PHACTR4: variants seen among roughly 807,000 people sequenced by gnomAD.
PHACTR4 encodes phosphatase and actin regulator 4.
Under a neutral mutation model 72.7 loss-of-function variants are expected in PHACTR4, and 51 were observed. The ratio of observed to expected loss-of-function variants is 0.70; its 90% confidence interval spans 0.56 to 0.89. The LOEUF (loss-of-function observed/expected upper bound fraction) is 0.89, where lower values mean the gene tolerates loss of function less well. Among genes scored for constraint, PHACTR4 ranks in the 40% least tolerant of loss-of-function variants. PHACTR4 has a pLI of 0.00. For missense variants in PHACTR4, 731 were observed against 861.8 expected, an observed-to-expected ratio of 0.85 and a Z score of 1.90; for synonymous variants, 255 against 302.5, an observed-to-expected ratio of 0.84 and a Z score of 1.63.
At chr1:28,371,787 T>C (rs938579637) in intron 1 of PHACTR4, among the ~76,000 whole-genome samples, 4 of 152,076 alleles carry the variant, frequency 2.6e-5, no homozygotes, top group African/African-American at 7.2e-5. Context: ...ATTTTTGTAT[T>C]GATTGGGGTC....
At chr1:28,487,763 T>A (rs1178280453) in intron 9 of PHACTR4, among the ~76,000 whole-genome samples, 1 of 114,934 alleles carries the variant, frequency 8.7e-6, no homozygotes, top group Non-Finnish European at 1.7e-5. Flanking sequence ...TGAGATGGAA[T>A]CTCACTCTGT....
At chr1:28,438,450 G>A (rs773568034) in intron 2 of PHACTR4, 3 of 1,611,638 alleles carry the variant, frequency 1.9e-6, no homozygotes, top group Non-Finnish European at 2.5e-6. Flanking sequence ...AGAAGGCAGA[G>A]AAACAGAAAA....
chr1:28,480,898 G>A (rs1393505737), intron 9 of PHACTR4, among the ~76,000 whole-genome samples: 3 of 152,116 alleles, frequency 2.0e-5, no homozygotes, highest in East Asian at 1.9e-4. Flanking sequence ...CATGTTGGCC[G>A]GGCTGGTCTC....
intron 1 of PHACTR4, among the ~76,000 whole-genome samples, chr1:28,388,623 G>A (rs1569782867): frequency 6.6e-6 from 1 of 152,132 alleles, no homozygotes; most frequent in Non-Finnish European, 1.5e-5. Context: ...AGCCTGAGGC[G>A]GGCAGATCAC....
intron 3 of PHACTR4, among the ~76,000 whole-genome samples, chr1:28,459,881 G>A (rs1294856290): frequency 1.3e-5 from 2 of 152,110 alleles, no homozygotes; most frequent in South Asian, 2.1e-4. Context: ...TGAAGAAAAT[G>A]ACTGAATGAG....
rs140467873 is a variant in PHACTR4 at position 28,465,377 on chromosome 1, G to A, written c.272-308G>A. 3.9e-3 allele frequency among the ~76,000 whole-genome samples: 591 copies of A among 152,166 alleles called. 1 individual carries two copies. The highest frequency in any genetic ancestry group is 5.6e-3 in the Non-Finnish European group (381 of 67,994). Reference sequence around the variant, plus strand: ...CAGGAGGCTGAGGCAGGAGAATGGCGTGAACCCGGGAGGCAGAGGCTGCAG... The same window carrying A: ...CAGGAGGCTGAGGCAGGAGAATGGCATGAACCCGGGAGGCAGAGGCTGCAG... On this transcript the variant is annotated intron_variant, in intron 4 of 13. Transcript: ENST00000373839.
At chr1:28,478,449 A>G (rs947656148) in intron 8 of PHACTR4, among the ~76,000 whole-genome samples, 7 of 151,276 alleles carry the variant, frequency 4.6e-5, no homozygotes, top group Non-Finnish European at 7.4e-5. Flanking sequence ...TTTTTTTTTT[A>G]ATAGACGGAG....
Position 28,494,751 on chromosome 1 carries a change from T to C in PHACTR4, c.2093+1660T>C, listed in dbSNP as rs115250458. Reference sequence around the variant, plus strand: ...GAAAATGTAGCTGGATCAGAGGATGTTTGGGGCAGTGTGGTGAAAATAAAC... The same window carrying C: ...GAAAATGTAGCTGGATCAGAGGATGCTTGGGGCAGTGTGGTGAAAATAAAC... On this transcript the variant is annotated intron_variant, in intron 13 of 13. Coordinates refer to ENST00000373839, the MANE Select transcript of PHACTR4 (RefSeq NM_001048183.3). Among the ~76,000 whole-genome samples the C allele has an allele frequency of 3.7e-3, 562 of 152,254 alleles. 7 individuals carry two copies. The highest frequency in any genetic ancestry group is 0.013 in the African/African-American group (537 of 41,540).
intron 1 of PHACTR4, among the ~76,000 whole-genome samples, chr1:28,371,985 G>A (rs914315336): frequency 6.6e-6 from 1 of 151,838 alleles, no homozygotes; most frequent in Non-Finnish European, 1.5e-5. Flanking sequence ...GGTTTCAAGC[G>A]ATTCTCCTGC....
At chr1:28,429,779 G>C (rs941752344) in intron 2 of PHACTR4, among the ~76,000 whole-genome samples, 8 of 152,196 alleles carry the variant, frequency 5.3e-5, no homozygotes, top group African/African-American at 1.9e-4. Flanking sequence ...TGAGAAGTCT[G>C]AAGATTACTG....
chr1:28,438,287 G>T, intron 2 of PHACTR4: 1 of 1,508,738 alleles, frequency 6.6e-7, no homozygotes, highest in Non-Finnish European at 8.9e-7. Context: ...ACTGAAAGAG[G>T]ACCGCATGTC....
At chr1:28,459,389 C>CT in intron 3 of PHACTR4, 131 bp downstream of exon 3, 3 of 631,610 alleles carry the variant, frequency 4.7e-6, no homozygotes, top group South Asian at 2.6e-5. Flanking sequence ...TTATTCTTTC[C>CT]TTCTTCTTTT....
At chr1:28,461,585 A>G (rs1214224491) in intron 4 of PHACTR4, among the ~76,000 whole-genome samples, 1 of 152,256 alleles carries the variant, frequency 6.6e-6, no homozygotes, top group Non-Finnish European at 1.5e-5. Flanking sequence ...AAGATTTATT[A>G]TCTCAACTGT....
In PHACTR4 at chr1:28,496,633, C is replaced by G; in HGVS notation, c.*84C>G. ...ACATATGGAGGGAACTTTAGCACTT[C>G]CCAGCACAGCCAGAATTGCATCCTC... On this transcript the variant is annotated 3_prime_UTR_variant, in exon 14 of 14. Coordinates refer to ENST00000373839, the MANE Select transcript of PHACTR4 (RefSeq NM_001048183.3). 6.8e-7 allele frequency: 1 copy of G among 1,475,948 alleles called. No homozygotes were observed. Among genetic ancestry groups the G allele is most frequent in the Non-Finnish European group, 9.4e-7 (1 of 1,059,642 alleles). 91.4% of individuals were successfully genotyped at this position (1,475,948 alleles called of 1,614,324 possible). A position where few individuals can be genotyped will look rare whatever the true frequency, so the allele number is the denominator to read the frequency against.
rs181468528 is a variant in PHACTR4 at position 28,409,829 on chromosome 1, T to C, written c.16+2366T>C. Among the ~76,000 whole-genome samples, 52 of 152,210 alleles carry C rather than the reference T, an allele frequency of 3.4e-4. 1 individual carries two copies. Among genetic ancestry groups the C allele is most frequent in the African/African-American group, 1.2e-3 (51 of 41,528 alleles). ...ACCTTAGATAATTTCTTTAGGACCT[T>C]GGCTTTCTTTCCCCCCTGAAGAGTA... On this transcript the variant is annotated intron_variant, in intron 2 of 13. Transcript: ENST00000373839.
In PHACTR4 at chr1:28,419,402, TAC is replaced by T. The variant is rs139317178; in HGVS notation, c.16+11949_16+11950del. ...TATATTATCACTTTACACATATATA[TAC>T]ACACACACATATAAAGTGTAAATAT... On this transcript the variant is annotated intron_variant, in intron 2 of 13. Coordinates refer to ENST00000373839, the MANE Select transcript of PHACTR4 (RefSeq NM_001048183.3). 5.8e-4 allele frequency among the ~76,000 whole-genome samples: 88 copies of T among 151,854 alleles called. 1 individual carries two copies. The highest frequency in any genetic ancestry group is 7.2e-4 in the Non-Finnish European group (49 of 67,982).
At chr1:28,463,983 A>G (rs1309654389) in intron 4 of PHACTR4, among the ~76,000 whole-genome samples, 1 of 151,550 alleles carries the variant, frequency 6.6e-6, no homozygotes, top group Non-Finnish European at 1.5e-5. Flanking sequence ...CTCCCGCCTC[A>G]GCCTCCCAAA....
chr1:28,466,652 C>T lies in PHACTR4; in HGVS notation c.707C>T (p.Ala236Val), dbSNP rs1191575742. Residue 236 changes from alanine to valine, a missense_variant, in exon 6 of 14, where the codon GCT (alanine) becomes GTT (valine). By Grantham distance (64) the Ala-to-Val change is moderately conservative (BLOSUM62 0). Transcript: ENST00000373839. ...TPSPAPRTLP[A>V]APASTNTTAT... ...TCCCCAGCACCCAGGACTCTGCCTG[C>T]TGCTCCTGCCAGCACTAACACTACT... 3.7e-6 allele frequency: 6 copies of T among 1,613,978 alleles called. No individual in the cohort carries two copies. In the East Asian group the frequency reaches 1.3e-4, roughly 36 times the overall value.
intron 2 of PHACTR4, among the ~76,000 whole-genome samples, chr1:28,417,295 T>C (rs1177218247): frequency 6.6e-6 from 1 of 152,184 alleles, no homozygotes; most frequent in Non-Finnish European, 1.5e-5. Context: ...TGGATAATAC[T>C]GAACCCCAAT....
Sources: gnomAD v4.1 joint callset for allele counts (sites outside exome capture counted in the v4.1 genomes callset) on GRCh38, gnomAD v4.1.1 for gene constraint, MANE v1.5 for transcripts, NCBI Gene and HGNC (gene_info 2026-07-23, HGNC 2026-07-21) for gene names.